Variants in ARHGEF7 observed in about 807,000 individuals in gnomAD.
The protein encoded by ARHGEF7 is Rho guanine nucleotide exchange factor 7.
A neutral mutation model predicts 109.8 loss-of-function variants in ARHGEF7; 33 were observed. That is an observed-to-expected ratio of 0.30 (90% confidence interval 0.23 to 0.40). The LOEUF is 0.40. Ranked by LOEUF, ARHGEF7 falls within the 10% of genes least tolerant of loss-of-function variation. ARHGEF7 has a pLI of 1.00. For synonymous variants in ARHGEF7, 458 were observed against 424.6 expected, an observed-to-expected ratio of 1.08 and a Z score of -0.97; for missense variants, 938 against 1,098.5, an observed-to-expected ratio of 0.85 and a Z score of 2.07.
intron 2 of ARHGEF7, among the ~76,000 whole-genome samples, chr13:111,180,673 T>A (rs1166656006): frequency 1.3e-5 from 2 of 152,218 alleles, no homozygotes; most frequent in African/African-American, 4.8e-5. Context: ...AGTTGGTATT[T>A]GAATCCAGGT....
rs750659791 is a variant in ARHGEF7 at position 111,275,578 on chromosome 13, T to A, written c.1319T>A (p.Ile440Asn). 1 of 1,614,124 alleles carries A rather than the reference T, an allele frequency of 6.2e-7. No homozygotes were observed. The highest frequency in any genetic ancestry group is 1.3e-5 in the African/African-American group (1 of 75,032). Residue 440 changes from isoleucine to asparagine, a missense_variant, in exon 12 of 22, where the codon ATC (isoleucine) becomes AAC (asparagine). This residue lies in a region of ARHGEF7 where 585 missense variants were observed against 723.6 expected (regional missense o/e 0.81). Coordinates refer to ENST00000646102, the MANE Select transcript of ARHGEF7 (RefSeq NM_001354046.2). Reference protein sequence around the residue: ...VRKRKELELQILTEAIRNWEG... With the variant: ...VRKRKELELQNLTEAIRNWEG... ...AAGAGGAAAGAGCTTGAGCTGCAGA[T>A]CCTGACGGAAGCCATCCGGAACTGG...
intron 6 of ARHGEF7, among the ~76,000 whole-genome samples, chr13:111,237,130 C>A (rs1364188605): frequency 6.6e-6 from 1 of 152,130 alleles, no homozygotes; most frequent in Admixed American, 6.5e-5. Context: ...TTTAGGCTAC[C>A]TAATGAGAGT....
chr13:111,181,033 G>A (rs2078682726), intron 2 of ARHGEF7, among the ~76,000 whole-genome samples: 1 of 152,184 alleles, frequency 6.6e-6, no homozygotes, highest in Non-Finnish European at 1.5e-5. Flanking sequence ...ATAAATTGGA[G>A]CAGGTGAATG....
At chr13:111,285,785 G>A (rs966649392) in intron 16 of ARHGEF7, among the ~76,000 whole-genome samples, 1 of 152,156 alleles carries the variant, frequency 6.6e-6, no homozygotes. Flanking sequence ...GTCCTAGGGA[G>A]CAGCTGCCCC....
intron 8 of ARHGEF7, among the ~76,000 whole-genome samples, chr13:111,249,643 A>C (rs2089456409): frequency 6.6e-6 from 1 of 152,124 alleles, no homozygotes; most frequent in Admixed American, 6.5e-5. Flanking sequence ...TATGAAGATA[A>C]GCTGGTACTT....
chr13:111,195,524 C>G (rs1240382357), intron 2 of ARHGEF7, among the ~76,000 whole-genome samples: 1 of 152,186 alleles, frequency 6.6e-6, no homozygotes, highest in African/African-American at 2.4e-5. Flanking sequence ...TCGCCAGTGT[C>G]CAAGAGGAAG....
intron 1 of ARHGEF7, among the ~76,000 whole-genome samples, chr13:111,128,258 A>G (rs769629074): frequency 6.6e-6 from 1 of 152,236 alleles, no homozygotes; most frequent in Non-Finnish European, 1.5e-5. Flanking sequence ...TTGAAAAGGA[A>G]GAAGTAAAGC....
chr13:111,257,908 C>A (rs2090620597), intron 8 of ARHGEF7, among the ~76,000 whole-genome samples: 1 of 152,246 alleles, frequency 6.6e-6, no homozygotes, highest in African/African-American at 2.4e-5. Flanking sequence ...CTGGTCCCAG[C>A]AGTTGGAACC....
At chr13:111,251,277 G>C (rs2089727892) in intron 8 of ARHGEF7, among the ~76,000 whole-genome samples, 1 of 152,232 alleles carries the variant, frequency 6.6e-6, no homozygotes, top group Admixed American at 6.5e-5. Flanking sequence ...TATCACAGGA[G>C]AGAGAGCACC....
At chr13:111,185,961 CGTGTGTGT>C (rs71127998) in intron 2 of ARHGEF7, among the ~76,000 whole-genome samples, 7,666 of 135,834 alleles carry the variant, frequency 0.056, 316 homozygotes, top group Admixed American at 0.16. Flanking sequence ...TTTGGGAGCT[CGTGTGTGT>C]GTGTGTGTGT....
intron 2 of ARHGEF7, among the ~76,000 whole-genome samples, chr13:111,155,942 CGGCGTGGT>C (rs1283829796): frequency 6.6e-6 from 1 of 151,822 alleles, no homozygotes; most frequent in Admixed American, 6.6e-5. Flanking sequence ...AAAATTAGCC[CGGCGTGGT>C]GGCGTGCACC....
chr13:111,115,345 C>CAGCGGGCCGGGGCGCACGGAGA lies in ARHGEF7; in HGVS notation c.-170_-149dup. On this transcript the variant is annotated 5_prime_UTR_variant, in exon 1 of 22. Transcript: ENST00000646102. The stretch of plus-strand genomic sequence containing the variant: ...GAGCCGCTCCTGAGAAGGCGCCTGA[C>CAGCGGGCCGGGGCGCACGGAGA]AGCGGGCCGGGGCGCACGGAGAAGC... The CAGCGGGCCGGGGCGCACGGAGA allele has an allele frequency of 4.1e-6, 1 of 243,736 alleles. No homozygotes were observed. Among genetic ancestry groups the CAGCGGGCCGGGGCGCACGGAGA allele is most frequent in the Non-Finnish European group, 6.5e-6 (1 of 154,642 alleles). 15.1% of individuals were successfully genotyped at this position (243,736 alleles called of 1,614,324 possible).
intron 19 of ARHGEF7, 69 bp from the exon 20 acceptor site, chr13:111,300,661 TAAGTGACATGGTATAGTC>T: frequency 1.1e-6 from 1 of 875,134 alleles, no homozygotes; most frequent in Admixed American, 2.6e-5. Flanking sequence ...ACTTAATATT[TAAGTGACATGGTATAGTC>T]AAGTTGTTTT....
chr13:111,117,005 G>A (rs1854965), intron 1 of ARHGEF7, among the ~76,000 whole-genome samples: 42,030 of 152,134 alleles, frequency 0.28, 7,423 homozygotes, highest in East Asian at 0.64. Flanking sequence ...CAGGAGGACT[G>A]AGGAGCAGGA....
rs999887703 is a variant in ARHGEF7, at chr13:111,305,651, A to T, written c.*2538A>T. On this transcript the variant is annotated 3_prime_UTR_variant, in exon 22 of 22. Transcript: ENST00000646102. ...TGGAGAAACTCCTAATTTAAATGTCACAGACAATGTCCTAGTGTTGACTAC... is the reference window on the plus strand; with the variant it reads ...TGGAGAAACTCCTAATTTAAATGTCTCAGACAATGTCCTAGTGTTGACTAC... The T allele has an allele frequency of 6.6e-6, 1 of 152,250 alleles. No homozygotes were observed. Among genetic ancestry groups the T allele is most frequent in the African/African-American group, 2.4e-5 (1 of 41,464 alleles). 9.4% of individuals were successfully genotyped at this position (152,250 alleles called of 1,614,324 possible). A position where few individuals can be genotyped will look rare whatever the true frequency, so the allele number is the denominator to read the frequency against.
intron 2 of ARHGEF7, among the ~76,000 whole-genome samples, chr13:111,201,738 T>A (rs2081232795): frequency 6.6e-6 from 1 of 152,160 alleles, no homozygotes. Context: ...AATGCAGGGC[T>A]GTAGCAAGCA....
intron 19 of ARHGEF7, chr13:111,294,199 A>G (rs2093369597): frequency 2.0e-6 from 2 of 985,444 alleles, no homozygotes; most frequent in Non-Finnish European, 2.4e-6. Flanking sequence ...CAAAGTTTCT[A>G]TACTTACTAT....
Position 111,273,871 on chromosome 13 carries a change from G to A in ARHGEF7, c.1131G>A (p.Val377=), listed in dbSNP as rs991305621. 1.1e-5 allele frequency: 17 copies of A among 1,614,052 alleles called. No individual in the cohort carries two copies. In the African/African-American group the frequency reaches 2.3e-4, roughly 22 times the overall value. ...GTGCCAGCAGCCCTGGGATTCTCGTGCTGACCACGGGCCTGAGCAAACCCT... is the reference window on the plus strand; with the variant it reads ...GTGCCAGCAGCCCTGGGATTCTCGTACTGACCACGGGCCTGAGCAAACCCT... ...TKGASSPGIL[V]LTTGLSKPFM... The change falls in exon 10 of 22, where the codon GTG becomes GTA. Residue 377 remains valine (V), a synonymous_variant. Coordinates refer to ENST00000646102, the MANE Select transcript of ARHGEF7 (RefSeq NM_001354046.2). This position sits in a 1 kb window ranked among gnomAD's most constrained non-coding sequence, Gnocchi z 4.5.
rs1282649378 is a variant in ARHGEF7 at position 111,115,557 on chromosome 13, C to G, written c.31C>G (p.Leu11Val). MNSAEQTVTWLITLGVLESPK... is the reference protein window; with the variant it reads MNSAEQTVTWVITLGVLESPK... The stretch of plus-strand genomic sequence containing the variant: ...TTCCGCCGAGCAAACCGTTACGTGG[C>G]TCATCACTCTGGGGGTGCTGGAGTC... The change falls in exon 1 of 22, where the codon CTC becomes GTC. Residue 11 changes from leucine to valine, a missense_variant. Physicochemically the swap from Leu to Val is conservative, Grantham distance 32. Transcript: ENST00000646102. 1 of 1,420,086 alleles carries G rather than the reference C, an allele frequency of 7.0e-7. No individual in the cohort carries two copies. The highest frequency in any genetic ancestry group is 9.4e-7 in the Non-Finnish European group (1 of 1,069,326). The allele number at this position is 1,420,086 out of a possible 1,614,324, so 88.0% of individuals were successfully genotyped here. A position where few individuals can be genotyped will look rare whatever the true frequency, so the allele number is the denominator to read the frequency against.
Sources: allele counts gnomAD v4.1 joint callset (sites outside exome capture counted in the v4.1 genomes callset), GRCh38; gene constraint gnomAD v4.1.1; regional missense constraint gnomAD v4.1.1; non-coding constraint Gnocchi (gnomAD v3.1); transcripts MANE v1.5; gene names NCBI Gene and HGNC (gene_info 2026-07-23, HGNC 2026-07-21).